Variants in IMMP2L observed in about 807,000 individuals in gnomAD.
IMMP2L encodes mitochondrial inner membrane protease subunit 2.
IMMP2L carries 18 observed loss-of-function variants against 19.3 expected under a neutral mutation model. That is an observed-to-expected ratio of 0.93 (90% CI 0.64 to 1.38). The LOEUF is 1.38. Ranked by LOEUF, IMMP2L falls within the 40% of genes most tolerant of loss-of-function variation. The pLI, the probability that IMMP2L is intolerant of heterozygous loss-of-function variation, is 0.00. For missense variants in IMMP2L, 233 were observed against 218.2 expected (o/e 1.07, Z -0.43); for synonymous variants, 76 against 73.0 (o/e 1.04, Z -0.21).
intron 5 of IMMP2L, among the ~76,000 whole-genome samples, chr7:110,797,962 T>C (rs1800975452): frequency 6.6e-6 from 1 of 151,944 alleles, no homozygotes; most frequent in South Asian, 2.1e-4. Flanking sequence ...ATTTGAAGAA[T>C]AACTATTCTG....
intron 1 of IMMP2L, among the ~76,000 whole-genome samples, chr7:111,530,461 C>T (rs1343971043): frequency 6.6e-6 from 1 of 152,078 alleles, no homozygotes; most frequent in Admixed American, 6.5e-5. Flanking sequence ...TCATGCTGTT[C>T]TAAGATTTGA....
chr7:110,834,329 C>T (rs1175701084), intron 5 of IMMP2L, among the ~76,000 whole-genome samples: 1 of 151,574 alleles, frequency 6.6e-6, no homozygotes, highest in African/African-American at 2.4e-5. Flanking sequence ...ATAAATCAGG[C>T]CTTACTGGTC....
chr7:110,852,789 G>A (rs983359797), intron 5 of IMMP2L, among the ~76,000 whole-genome samples: 1 of 151,714 alleles, frequency 6.6e-6, no homozygotes, highest in African/African-American at 2.4e-5. Context: ...CACATAGAGA[G>A]CCCAAGTGGA....
At chr7:111,279,299 G>A (rs1819441984) in intron 3 of IMMP2L, among the ~76,000 whole-genome samples, 1 of 152,144 alleles carries the variant, frequency 6.6e-6, no homozygotes. Context: ...CCCCCAAAAT[G>A]ATATGCCGAA....
chr7:110,962,891 C>T, intron 4 of IMMP2L: 1 of 1,358,670 alleles, frequency 7.4e-7, no homozygotes, highest in Non-Finnish European at 9.4e-7. Flanking sequence ...AAAGCGATCA[C>T]AATGAGACAC....
chr7:110,671,036 A>T (rs1776038148), intron 5 of IMMP2L, among the ~76,000 whole-genome samples: 1 of 152,248 alleles, frequency 6.6e-6, no homozygotes, highest in African/African-American at 2.4e-5. Context: ...TTCAAAACAC[A>T]ATAGCAAAAG....
At chr7:110,666,036 C>T (rs1297678509) in intron 5 of IMMP2L, among the ~76,000 whole-genome samples, 1 of 152,026 alleles carries the variant, frequency 6.6e-6, no homozygotes, top group Non-Finnish European at 1.5e-5. Flanking sequence ...ATTGTAATAT[C>T]AAGAAGTCCT....
At chr7:110,843,541 A>G (rs1475359264) in intron 5 of IMMP2L, among the ~76,000 whole-genome samples, 2 of 152,210 alleles carry the variant, frequency 1.3e-5, no homozygotes, top group Admixed American at 1.3e-4. Flanking sequence ...ATTATTGGGT[A>G]AATATGTCTC....
At chr7:110,736,355 C>T (rs2091308) in intron 5 of IMMP2L, among the ~76,000 whole-genome samples, 117,659 of 152,104 alleles carry the variant, frequency 0.77, 45,638 homozygotes, top group East Asian at 0.88. Context: ...AGCTATAGGG[C>T]TGGGGATGCC....
Position 111,507,304 on chromosome 7 carries a change from T to C in IMMP2L, c.135+14009A>G, listed in dbSNP as rs142592951. 2.1e-3 allele frequency among the ~76,000 whole-genome samples: 324 copies of C among 152,354 alleles called. 3 individuals are homozygous for C. The highest frequency in any genetic ancestry group is 7.4e-3 in the African/African-American group (307 of 41,586). ...CCTATATTTCCTCTAATTTCTGCTA[T>C]AAGTTCATTTCTCTCTTCCCATATC... On this transcript the variant is annotated intron_variant, in intron 2 of 5. Coordinates refer to ENST00000405709, the MANE Select transcript of IMMP2L (RefSeq NM_032549.4).
At chr7:110,890,015 C>T (rs946068075) in intron 4 of IMMP2L, among the ~76,000 whole-genome samples, 1 of 152,072 alleles carries the variant, frequency 6.6e-6, no homozygotes, top group Admixed American at 6.5e-5. Context: ...CTTCCTTTGT[C>T]CATTATTTTC....
chr7:111,214,328 C>CTTTTTTTTTTTTTTTTTTTTTTTT lies in IMMP2L; in HGVS notation c.240-250764_240-250763insAAAAAAAAAAAAAAAAAAAAAAAA, dbSNP rs1484229556. ...GTGAATGAATGACAAAGTAATTTTT[C>CTTTTTTTTTTTTTTTTTTTTTTTT]TTCTTTTTTTTTTTTTTTTTTTTTT... is the stretch of plus-strand genomic sequence containing the variant. On this transcript the variant is annotated intron_variant, in intron 3 of 5. Coordinates refer to ENST00000405709, the MANE Select transcript of IMMP2L (RefSeq NM_032549.4). Among the ~76,000 whole-genome samples, 17 of 85,110 alleles carry CTTTTTTTTTTTTTTTTTTTTTTTT rather than the reference C, an allele frequency of 2.0e-4. 7 individuals carry two copies. The highest frequency in any genetic ancestry group is 3.4e-4 in the Non-Finnish European group (15 of 44,320). The allele number at this position is 85,110 out of a possible 152,430, so 55.8% of individuals were successfully genotyped here.
chr7:111,477,875 G>A (rs1841849764), intron 3 of IMMP2L, among the ~76,000 whole-genome samples: 1 of 152,006 alleles, frequency 6.6e-6, no homozygotes, highest in South Asian at 2.1e-4. Context: ...TCCAGCCTGG[G>A]CAACAAGAGT....
At chr7:111,504,467 A>G in intron 2 of IMMP2L, among the ~76,000 whole-genome samples, 1 of 152,010 alleles carries the variant, frequency 6.6e-6, no homozygotes, top group East Asian at 1.9e-4. Context: ...ATTGGAAAAA[A>G]CTACTTTAAA....
chr7:110,818,547 T>A (rs1802745601), intron 5 of IMMP2L, among the ~76,000 whole-genome samples: 1 of 152,094 alleles, frequency 6.6e-6, no homozygotes, highest in African/African-American at 2.4e-5. Context: ...ATTGTGGAAG[T>A]TGGTGTGGCG....
At chr7:111,169,759 C>T (rs959655507) in intron 3 of IMMP2L, among the ~76,000 whole-genome samples, 2 of 151,852 alleles carry the variant, frequency 1.3e-5, no homozygotes, top group African/African-American at 4.8e-5. Flanking sequence ...TTCACAGGTA[C>T]TGACAATTAG....
intron 3 of IMMP2L, among the ~76,000 whole-genome samples, chr7:111,238,990 C>G (rs1210751404): frequency 6.6e-6 from 1 of 151,888 alleles, no homozygotes; most frequent in Non-Finnish European, 1.5e-5. Context: ...ATAATAGTAG[C>G]TTTCACTTTC....
At chr7:110,865,478 G>A (rs78152221) in intron 5 of IMMP2L, among the ~76,000 whole-genome samples, 2 of 152,076 alleles carry the variant, frequency 1.3e-5, no homozygotes, top group East Asian at 3.9e-4. Context: ...ATTGTTTGAA[G>A]CTCTAGCTAT....
intron 3 of IMMP2L, among the ~76,000 whole-genome samples, chr7:111,345,169 T>C (rs1356705505): frequency 2.0e-5 from 3 of 152,180 alleles, no homozygotes; most frequent in Admixed American, 6.6e-5. Context: ...TAAGATTCAA[T>C]AAATTCCTTT....
Sources: gnomAD v4.1 joint callset for allele counts (sites outside exome capture counted in the v4.1 genomes callset) on GRCh38, gnomAD v4.1.1 for gene constraint, MANE v1.5 for transcripts, NCBI Gene and HGNC (gene_info 2026-07-23, HGNC 2026-07-21) for gene names.